Variants in LHFPL3 observed in about 807,000 individuals in gnomAD.
The protein encoded by LHFPL3 is LHFPL tetraspan subfamily member 3.
Under a neutral mutation model 19.3 loss-of-function variants are expected in LHFPL3, and 5 were observed. That is an observed-to-expected ratio of 0.26 (90% CI 0.14 to 0.54). LHFPL3 has a LOEUF of 0.54. Ranked by LOEUF, LHFPL3 falls within the 20% of genes least tolerant of loss-of-function variation. The probability of loss-of-function intolerance (pLI) is 0.94; values close to 1 mark genes in which losing one functional copy is unlikely to be tolerated. For synonymous variants in LHFPL3, 133 were observed against 126.2 expected, an observed-to-expected ratio of 1.05 and a Z score of -0.36; for missense variants, 249 against 307.4, an observed-to-expected ratio of 0.81 and a Z score of 1.42.
chr7:104,611,577 A>G (rs553950561), intron 1 of LHFPL3, among the ~76,000 whole-genome samples: 1 of 152,350 alleles, frequency 6.6e-6, no homozygotes, highest in African/African-American at 2.4e-5. Flanking sequence ...GTTGGCAGTA[A>G]GGATAGTTGA....
intron 2 of LHFPL3, among the ~76,000 whole-genome samples, chr7:104,886,711 C>T (rs894993673): frequency 1.3e-5 from 2 of 152,188 alleles, no homozygotes; most frequent in African/African-American, 4.8e-5. Flanking sequence ...CATTCTAAGT[C>T]CTCAAAAATT....
intron 2 of LHFPL3, among the ~76,000 whole-genome samples, chr7:104,769,230 C>G (rs575525999): frequency 3.3e-5 from 5 of 152,202 alleles, no homozygotes; most frequent in Non-Finnish European, 4.4e-5. Flanking sequence ...TTCTTACTGT[C>G]ATTAAGAAGG....
intron 2 of LHFPL3, among the ~76,000 whole-genome samples, chr7:104,739,633 G>C (rs1218085005): frequency 6.6e-6 from 1 of 151,964 alleles, no homozygotes; most frequent in Non-Finnish European, 1.5e-5. Flanking sequence ...TCACTATTAA[G>C]TTTTTTTCTG....
chr7:104,532,667 A>G (rs990335308), intron 1 of LHFPL3, among the ~76,000 whole-genome samples: 1 of 152,172 alleles, frequency 6.6e-6, no homozygotes, highest in Non-Finnish European at 1.5e-5. Flanking sequence ...TCTGGAAACA[A>G]AAGCCAAGAA....
In LHFPL3 at chr7:104,745,398, A is replaced by G. The variant is rs1036201418; in HGVS notation, c.682+8487A>G. Among the ~76,000 whole-genome samples, 9 of 152,356 alleles carry G rather than the reference A, an allele frequency of 5.9e-5. No homozygotes were observed. In the East Asian group the frequency reaches 1.5e-3, roughly 26 times the overall value. ...AAATTCCAGGAATTTTACATGAGAAAAACAAAACTCTTCTTATTTAAGCCA... is the reference window on the plus strand; with the variant it reads ...AAATTCCAGGAATTTTACATGAGAAGAACAAAACTCTTCTTATTTAAGCCA... On this transcript the variant is annotated intron_variant, in intron 2 of 2. Coordinates refer to ENST00000424859, the MANE Select transcript of LHFPL3 (RefSeq NM_199000.3).
chr7:104,495,445 AC>A (rs1793450978), intron 1 of LHFPL3, among the ~76,000 whole-genome samples: 1 of 152,074 alleles, frequency 6.6e-6, no homozygotes, highest in African/African-American at 2.4e-5. Flanking sequence ...GTGCAGTGGC[AC>A]AATCTCAGCT....
intron 1 of LHFPL3, among the ~76,000 whole-genome samples, chr7:104,705,284 A>G (rs1793170956): frequency 6.6e-6 from 1 of 152,148 alleles, no homozygotes; most frequent in South Asian, 2.1e-4. Context: ...CTTAATATTT[A>G]CATTTTAAGT....
chr7:104,455,119 T>G (rs1446356019), intron 1 of LHFPL3, among the ~76,000 whole-genome samples: 1 of 152,182 alleles, frequency 6.6e-6, no homozygotes, highest in Non-Finnish European at 1.5e-5. Flanking sequence ...GATTGCAACT[T>G]TTCACTTCAT....
intron 1 of LHFPL3, among the ~76,000 whole-genome samples, chr7:104,628,582 T>G (rs1449208033): frequency 6.6e-6 from 1 of 152,324 alleles, no homozygotes; most frequent in East Asian, 1.9e-4. Flanking sequence ...ATACTAAATT[T>G]GGGTGACAAA....
chr7:104,387,949 C>T (rs1176964419), intron 1 of LHFPL3, among the ~76,000 whole-genome samples: 5 of 152,156 alleles, frequency 3.3e-5, no homozygotes, highest in Non-Finnish European at 1.5e-5. Context: ...TCCCACCTTC[C>T]ACCCTCAAGT....
At chr7:104,441,535 A>G (rs1792223272) in intron 1 of LHFPL3, among the ~76,000 whole-genome samples, 1 of 148,098 alleles carries the variant, frequency 6.8e-6, no homozygotes, top group African/African-American at 2.6e-5. Context: ...GCTGCAATGA[A>G]CATGGTAGAG....
chr7:104,771,850 T>G (rs1445153418), intron 2 of LHFPL3, among the ~76,000 whole-genome samples: 1 of 143,462 alleles, frequency 7.0e-6, no homozygotes. Context: ...TTTGAGACGG[T>G]TTCGCTCTGT....
intron 2 of LHFPL3, among the ~76,000 whole-genome samples, chr7:104,766,804 T>C (rs1794465101): frequency 6.6e-6 from 1 of 152,218 alleles, no homozygotes; most frequent in Admixed American, 6.5e-5. Context: ...ATTTTTCTCG[T>C]AATTTCCTAT....
intron 2 of LHFPL3, among the ~76,000 whole-genome samples, chr7:104,862,784 C>G (rs1791640673): frequency 6.6e-6 from 1 of 152,146 alleles, no homozygotes; most frequent in African/African-American, 2.4e-5. Context: ...TCACCACAAC[C>G]TGGGAAGTAA....
chr7:104,511,116 C>T (rs974248862), intron 1 of LHFPL3, among the ~76,000 whole-genome samples: 2 of 151,966 alleles, frequency 1.3e-5, no homozygotes, highest in Admixed American at 1.3e-4. Context: ...ACTCTCAAAA[C>T]CCAACAGTAA....
At chr7:104,451,321 C>T (rs11763095) in intron 1 of LHFPL3, among the ~76,000 whole-genome samples, 27,736 of 152,026 alleles carry the variant, frequency 0.18, 2,555 homozygotes, top group African/African-American at 0.21. Context: ...CTGCCATGTT[C>T]GAGGTTAAGA....
intron 1 of LHFPL3, among the ~76,000 whole-genome samples, chr7:104,365,797 A>AAAAG (rs1554381870): frequency 1.6e-5 from 2 of 125,968 alleles, no homozygotes; most frequent in African/African-American, 6.1e-5. Context: ...CAAAAAAAAA[A>AAAAG]AAAAAAAAGA....
At chr7:104,807,102 A>G (rs1393390169) in intron 2 of LHFPL3, among the ~76,000 whole-genome samples, 1 of 151,330 alleles carries the variant, frequency 6.6e-6, no homozygotes, top group Non-Finnish European at 1.5e-5. Context: ...TTATTTGGAA[A>G]CAAAGTCCTC....
At chr7:104,418,552 A>T (rs552379358) in intron 1 of LHFPL3, among the ~76,000 whole-genome samples, 2 of 152,214 alleles carry the variant, frequency 1.3e-5, no homozygotes, top group African/African-American at 2.4e-5. Context: ...CAAACAATTT[A>T]AAAAATGGGT....
Sources: gnomAD v4.1 joint callset for allele counts (sites outside exome capture counted in the v4.1 genomes callset) on GRCh38, gnomAD v4.1.1 for gene constraint, MANE v1.5 for transcripts, NCBI Gene and HGNC (gene_info 2026-07-23, HGNC 2026-07-21) for gene names.